Variants in IPO11 observed in about 807,000 individuals in gnomAD.
IPO11 encodes importin-11.
Under a neutral mutation model 143.2 loss-of-function variants are expected in IPO11, and 66 were observed. The observed-to-expected ratio is 0.46, with a 90% confidence interval of 0.38 to 0.57. The LOEUF is 0.57. Among genes scored for constraint, IPO11 ranks in the 20% least tolerant of loss-of-function variants. The pLI is 0.00. For missense variants in IPO11, 1,026 were observed against 1,141.0 expected, an observed-to-expected ratio of 0.90 and a Z score of 1.45; for synonymous variants, 385 against 377.8, an observed-to-expected ratio of 1.02 and a Z score of -0.22.
intron 25 of IPO11, among the ~76,000 whole-genome samples, 181 bp downstream of exon 25, chr5:62,550,643 T>C (rs887008915): frequency 5.9e-5 from 9 of 152,198 alleles, no homozygotes; most frequent in African/African-American, 2.2e-4. Context: ...GCATAGATTT[T>C]CTTTGACATG....
Position 62,591,626 on chromosome 5 carries a change from C to G in IPO11, c.2632C>G (p.Leu878Val). The change falls in exon 28 of 30, where the codon CTG (leucine) becomes GTG (valine). Residue 878 changes from leucine to valine, a missense_variant. This residue lies in a region of IPO11 where 351 missense variants were observed against 358.9 expected (regional missense o/e 0.98). Transcript: ENST00000325324. ...CGIINISVEG[L>V]HDVMTEDPET... ...GATTATAAACATTTCAGTAGAAGGC[C>G]TGCATGATGTCATGACGGAAGATCC... 2 of 1,608,966 alleles carry G rather than the reference C, an allele frequency of 1.2e-6. No homozygotes were observed. Among genetic ancestry groups the G allele is most frequent in the Non-Finnish European group, 1.7e-6 (2 of 1,178,096 alleles).
chr5:62,420,909 A>G (rs1743493602), intron 1 of IPO11, among the ~76,000 whole-genome samples: 1 of 152,204 alleles, frequency 6.6e-6, no homozygotes, highest in Non-Finnish European at 1.5e-5. Context: ...TGTCCTGGTC[A>G]TAGAATACAC....
intron 27 of IPO11, among the ~76,000 whole-genome samples, chr5:62,577,342 T>A (rs906296841): frequency 6.6e-6 from 1 of 152,200 alleles, no homozygotes; most frequent in Non-Finnish European, 1.5e-5. Context: ...TACCTTTGCA[T>A]CCTAATAAGT....
At chr5:62,568,574 CAAAAA>C (rs66748975) in intron 27 of IPO11, among the ~76,000 whole-genome samples, 13 of 51,894 alleles carry the variant, frequency 2.5e-4, no homozygotes, top group Admixed American at 8.8e-4. Flanking sequence ...ACTCTGTCTC[CAAAAA>C]AAAAAAAAAA....
intron 5 of IPO11, among the ~76,000 whole-genome samples, 161 bp from the exon 6 acceptor site, chr5:62,466,970 T>TA (rs34261440): frequency 6.6e-6 from 1 of 152,236 alleles, no homozygotes; most frequent in Non-Finnish European, 1.5e-5. Flanking sequence ...GCATTGTGGC[T>TA]AAAAAAGTAT....
At chr5:62,543,496 A>G (rs1004612551) in intron 24 of IPO11, among the ~76,000 whole-genome samples, 3 of 152,148 alleles carry the variant, frequency 2.0e-5, no homozygotes, top group African/African-American at 7.2e-5. Flanking sequence ...ATATTCTCTG[A>G]TGGTGGTTTG....
chr5:62,606,013 G>C (rs918180897), intron 29 of IPO11, among the ~76,000 whole-genome samples: 1 of 152,048 alleles, frequency 6.6e-6, no homozygotes, highest in Non-Finnish European at 1.5e-5. Context: ...TTACAGGTGT[G>C]AGCCACTCCA....
At chr5:62,533,651 T>G (rs1159603458) in intron 22 of IPO11, among the ~76,000 whole-genome samples, 1 of 152,206 alleles carries the variant, frequency 6.6e-6, no homozygotes, top group Non-Finnish European at 1.5e-5. Flanking sequence ...AGCTATCTGT[T>G]TATTAAGTAT....
At chr5:62,626,013 C>T (rs1746554234) in intron 29 of IPO11, among the ~76,000 whole-genome samples, 1 of 152,080 alleles carries the variant, frequency 6.6e-6, no homozygotes. Flanking sequence ...TTGTATGTTA[C>T]ATTTTTCTTT....
chr5:62,514,120 G>A (rs1333064609), intron 19 of IPO11, among the ~76,000 whole-genome samples: 1 of 149,810 alleles, frequency 6.7e-6, no homozygotes, highest in Non-Finnish European at 1.5e-5. Flanking sequence ...GGGCAGCCAG[G>A]CAGAGGGGCT....
chr5:62,536,296 A>G (rs1002317846), intron 22 of IPO11, among the ~76,000 whole-genome samples: 5 of 152,260 alleles, frequency 3.3e-5, no homozygotes, highest in African/African-American at 1.2e-4. Context: ...AGGTTGGGTC[A>G]AATAGTTAGG....
intron 24 of IPO11, among the ~76,000 whole-genome samples, chr5:62,544,356 A>G (rs1313405594): frequency 6.6e-6 from 1 of 152,208 alleles, no homozygotes; most frequent in African/African-American, 2.4e-5. Flanking sequence ...CAAAAACCAC[A>G]TGATTATCTC....
intron 1 of IPO11, chr5:62,418,967 C>A: frequency 6.5e-7 from 1 of 1,533,308 alleles, no homozygotes; most frequent in South Asian, 1.2e-5. Context: ...AGAAATGGGT[C>A]GTTAGGCAAT....
At chr5:62,545,725 A>T (rs1350629701) in intron 24 of IPO11, among the ~76,000 whole-genome samples, 2 of 152,228 alleles carry the variant, frequency 1.3e-5, no homozygotes, top group East Asian at 1.9e-4. Flanking sequence ...TAATATCCAG[A>T]ATCTACAAAG....
In IPO11 at chr5:62,605,457, G is replaced by C. The variant is rs571935053; in HGVS notation, c.2763+3609G>C. Among the ~76,000 whole-genome samples, 18 of 152,118 alleles carry C rather than the reference G, an allele frequency of 1.2e-4. No individual in the cohort carries two copies. In the East Asian group the frequency reaches 3.1e-3, roughly 26 times the overall value. ...CTCTCTCTCTACCTTTCATTTCGGT[G>C]AAATAATACTTAGAATAGCACATGC... is the stretch of plus-strand genomic sequence containing the variant. On this transcript the variant is annotated intron_variant, in intron 29 of 29. Coordinates refer to ENST00000325324, the MANE Select transcript of IPO11 (RefSeq NM_016338.5).
intron 5 of IPO11, among the ~76,000 whole-genome samples, chr5:62,455,882 G>C (rs796285423): frequency 2.0e-5 from 3 of 151,916 alleles, no homozygotes; most frequent in African/African-American, 7.2e-5. Context: ...GCGCCACCAT[G>C]CCCAGCTAAT....
At chr5:62,482,014 T>G (rs1445105551) in intron 9 of IPO11, among the ~76,000 whole-genome samples, 2 of 152,214 alleles carry the variant, frequency 1.3e-5, no homozygotes, top group East Asian at 3.8e-4. Context: ...TGGTTTAGTC[T>G]TGGGAGGGTG....
At chr5:62,487,478 G>T (rs931248707) in intron 12 of IPO11, among the ~76,000 whole-genome samples, 4 of 151,974 alleles carry the variant, frequency 2.6e-5, no homozygotes, top group African/African-American at 9.7e-5. Flanking sequence ...TAAATTTAAG[G>T]TATGATTAAT....
At chr5:62,509,368 T>A (rs985031965) in intron 19 of IPO11, among the ~76,000 whole-genome samples, 2 of 152,170 alleles carry the variant, frequency 1.3e-5, no homozygotes, top group Non-Finnish European at 2.9e-5. Flanking sequence ...ATTAAAACAT[T>A]TGTTAGATTG....
Sources: gnomAD v4.1 joint callset for allele counts (sites outside exome capture counted in the v4.1 genomes callset) on GRCh38, gnomAD v4.1.1 for gene constraint, gnomAD v4.1.1 regional missense constraint, MANE v1.5 for transcripts, NCBI Gene and HGNC (gene_info 2026-07-23, HGNC 2026-07-21) for gene names.